The following XYLT1 variants were observed in gnomAD, a reference collection of about 807,000 sequenced individuals.
XYLT1 encodes xylosyltransferase 1.
Under a neutral mutation model 91.3 loss-of-function variants are expected in XYLT1, and 36 were observed. That is an observed-to-expected ratio of 0.39 (90% CI 0.30 to 0.52). The LOEUF (loss-of-function observed/expected upper bound fraction) is 0.52, where lower values mean the gene tolerates loss of function less well. Ranked by LOEUF, XYLT1 falls within the 20% of genes least tolerant of loss-of-function variation. The pLI, the probability that XYLT1 is intolerant of heterozygous loss-of-function variation, is 0.68. For missense variants in XYLT1, 1,242 were observed against 1,284.5 expected (o/e 0.97, Z 0.51); for synonymous variants, 588 against 532.0 (o/e 1.11, Z -1.45).
intron 3 of XYLT1, among the ~76,000 whole-genome samples, chr16:17,232,050 A>G (rs1417775171): frequency 1.3e-5 from 2 of 149,108 alleles, no homozygotes; most frequent in Admixed American, 1.3e-4. Flanking sequence ...CTGCACATAC[A>G]ATGGTGGTCC....
chr16:17,366,378 T>G lies in XYLT1; in HGVS notation c.364-8328A>C, dbSNP rs145754886. ...TCTCACACTGAATGCCAGGTATTAC[T>G]GTAAGGGGTTTGTAAATATTATCTT... On this transcript the variant is annotated intron_variant, in intron 1 of 11. Coordinates refer to ENST00000261381, the MANE Select transcript of XYLT1 (RefSeq NM_022166.4). 2.0e-5 allele frequency among the ~76,000 whole-genome samples: 3 copies of G among 152,368 alleles called. No individual in the cohort carries two copies. The East Asian group carries it at 5.8e-4, about 29-fold the overall frequency.
chr16:17,274,779 G>C lies in XYLT1; in HGVS notation c.403-15281C>G, dbSNP rs540049843. ...AAGCATGTGCAAAGGTGTGGTGAGA[G>C]GACCAGCCCAACTCCTTTTATAATA... On this transcript the variant is annotated intron_variant, in intron 2 of 11. Coordinates refer to ENST00000261381, the MANE Select transcript of XYLT1 (RefSeq NM_022166.4). Among the ~76,000 whole-genome samples the C allele has an allele frequency of 2.6e-5, 4 of 152,226 alleles. 1 individual carries two copies. The highest frequency in any genetic ancestry group is 1.3e-4 in the Admixed American group (2 of 15,292).
At chr16:17,230,032 G>A (rs756772674) in intron 3 of XYLT1, among the ~76,000 whole-genome samples, 19 of 152,202 alleles carry the variant, frequency 1.2e-4, no homozygotes, top group Non-Finnish European at 2.2e-4. Flanking sequence ...ACCAAGGAAC[G>A]CCAGCAGCAA....
At chr16:17,410,943 C>A (rs1184555847) in intron 1 of XYLT1, among the ~76,000 whole-genome samples, 1 of 152,134 alleles carries the variant, frequency 6.6e-6, no homozygotes, top group East Asian at 1.9e-4. Context: ...TGCCCAGCAG[C>A]CTGCCATTAC....
At chr16:17,437,734 T>C (rs1190689457) in intron 1 of XYLT1, among the ~76,000 whole-genome samples, 1 of 152,180 alleles carries the variant, frequency 6.6e-6, no homozygotes, top group Non-Finnish European at 1.5e-5. Context: ...AAAATTGTTC[T>C]GGGAGGCAGG....
chr16:17,171,274 G>A (rs2031814001), intron 5 of XYLT1, among the ~76,000 whole-genome samples: 1 of 152,272 alleles, frequency 6.6e-6, no homozygotes, highest in East Asian at 1.9e-4. Context: ...TTTGGGACTG[G>A]GTCAGTTTGG....
intron 11 of XYLT1, among the ~76,000 whole-genome samples, chr16:17,109,671 C>T (rs949257466): frequency 1.3e-5 from 2 of 152,198 alleles, no homozygotes; most frequent in Admixed American, 1.3e-4. Flanking sequence ...TGCATATTGT[C>T]TGTGGCTGCT....
At chr16:17,395,908 A>G (rs1236648931) in intron 1 of XYLT1, among the ~76,000 whole-genome samples, 3 of 152,188 alleles carry the variant, frequency 2.0e-5, no homozygotes, top group African/African-American at 7.2e-5. Context: ...CACCATTCCT[A>G]CAATCAGCCA....
intron 6 of XYLT1, among the ~76,000 whole-genome samples, chr16:17,148,181 G>A (rs548441985): frequency 7.4e-4 from 113 of 152,316 alleles, no homozygotes; most frequent in African/African-American, 2.6e-3. Flanking sequence ...AAAGTGTGAT[G>A]GATGATGCTT....
At chr16:17,277,184 T>C (rs1028072148) in intron 2 of XYLT1, among the ~76,000 whole-genome samples, 1 of 152,210 alleles carries the variant, frequency 6.6e-6, no homozygotes, top group Admixed American at 6.5e-5. Context: ...GCATCTGTTA[T>C]CTATTTTTAT....
intron 2 of XYLT1, among the ~76,000 whole-genome samples, chr16:17,330,708 C>A (rs1315030361): frequency 6.6e-6 from 1 of 151,610 alleles, no homozygotes. Context: ...GCAGGAGAAT[C>A]GCTTGAACCC....
intron 9 of XYLT1, among the ~76,000 whole-genome samples, chr16:17,134,118 A>G (rs1396818961): frequency 6.6e-6 from 1 of 151,628 alleles, no homozygotes; most frequent in African/African-American, 2.4e-5. Flanking sequence ...TATGTTGTAC[A>G]TCTTTGACAT....
chr16:17,211,892 T>C (rs1222444543), intron 3 of XYLT1, among the ~76,000 whole-genome samples: 5 of 152,210 alleles, frequency 3.3e-5, no homozygotes, highest in African/African-American at 1.2e-4. Flanking sequence ...TGGAGGGGAC[T>C]GTCCTGCGCA....
At chr16:17,410,063 CTAA>C (rs1299653931) in intron 1 of XYLT1, among the ~76,000 whole-genome samples, 8 of 152,310 alleles carry the variant, frequency 5.3e-5, no homozygotes, top group Admixed American at 4.6e-4. Flanking sequence ...GTCCCTGCTG[CTAA>C]TGAGTTCACA....
chr16:17,408,876 A>G (rs1361998764), intron 1 of XYLT1, among the ~76,000 whole-genome samples: 1 of 152,004 alleles, frequency 6.6e-6, no homozygotes, highest in African/African-American at 2.4e-5. Context: ...AAAAAAAAAG[A>G]GTAACGAGTG....
chr16:17,239,382 T>C (rs1596442295), intron 3 of XYLT1, among the ~76,000 whole-genome samples: 6 of 138,452 alleles, frequency 4.3e-5, no homozygotes, highest in Admixed American at 4.3e-4. Flanking sequence ...ATTCATCCCA[T>C]TCATCCATCC....
intron 2 of XYLT1, among the ~76,000 whole-genome samples, chr16:17,289,141 T>G (rs57881478): frequency 6.6e-6 from 1 of 152,178 alleles, no homozygotes; most frequent in East Asian, 1.9e-4. Flanking sequence ...AGCCATACAG[T>G]CTCTGCCTCA....
chr16:17,384,341 C>T (rs1333054275), intron 1 of XYLT1, among the ~76,000 whole-genome samples: 5 of 151,632 alleles, frequency 3.3e-5, no homozygotes, highest in African/African-American at 1.2e-4. Flanking sequence ...GACCCTGGGC[C>T]CATTCTGTCT....
chr16:17,361,822 T>A (rs1053834639), intron 1 of XYLT1, among the ~76,000 whole-genome samples: 10 of 152,392 alleles, frequency 6.6e-5, no homozygotes, highest in African/African-American at 2.4e-4. Context: ...CTTTGTCCTA[T>A]GGGCATATTA....
Sources: allele counts gnomAD v4.1 joint callset (sites outside exome capture counted in the v4.1 genomes callset), GRCh38; gene constraint gnomAD v4.1.1; transcripts MANE v1.5; gene names NCBI Gene and HGNC (gene_info 2026-07-23, HGNC 2026-07-21).